Variants in ALDH18A1 observed in about 807,000 individuals in gnomAD.
ALDH18A1 encodes delta-1-pyrroline-5-carboxylate synthase.
ALDH18A1 carries 44 observed loss-of-function variants against 88.8 expected under a neutral mutation model. That is an observed-to-expected ratio of 0.50 (90% CI 0.39 to 0.64). ALDH18A1 has a LOEUF of 0.64. Ranked by LOEUF, ALDH18A1 falls within the 30% of genes least tolerant of loss-of-function variation. The pLI, the probability that ALDH18A1 is intolerant of heterozygous loss-of-function variation, is 0.00. For missense variants in ALDH18A1, 782 were observed against 1,009.5 expected (o/e 0.77, Z 3.05); for synonymous variants, 331 against 372.1 (o/e 0.89, Z 1.27).
chr10:95,619,689 A>G (rs1258264903), intron 12 of ALDH18A1, among the ~76,000 whole-genome samples: 3 of 152,238 alleles, frequency 2.0e-5, no homozygotes, highest in Admixed American at 6.5e-5. Context: ...AAATGGGGAA[A>G]GGATTCCCTA....
intron 6 of ALDH18A1, 101 bp downstream of exon 6, chr10:95,633,389 CT>C: frequency 6.9e-7 from 1 of 1,458,866 alleles, no homozygotes; most frequent in Non-Finnish European, 9.4e-7. Context: ...TCTCTCACAA[CT>C]TTTCCATCTT....
chr10:95,639,345 G>T (rs2062590460), intron 3 of ALDH18A1, among the ~76,000 whole-genome samples: 1 of 151,488 alleles, frequency 6.6e-6, no homozygotes, highest in Non-Finnish European at 1.5e-5. Context: ...TAAATAAAAA[G>T]AAAAAGAAAA....
At position 95,610,292 on chromosome 10, in the gene ALDH18A1, T is replaced by G. The variant is rs2139526433; in HGVS notation, c.2111A>C (p.Glu704Ala). 6.2e-7 allele frequency: 1 copy of G among 1,613,992 alleles called. No homozygotes were observed. Among genetic ancestry groups the G allele is most frequent in the East Asian group, 2.2e-5 (1 of 44,876 alleles). ...CTGCAGGAAGAACTCCGCTGTGTTT[T>G]CTGCAGGGTGAAGAAGGAGAAACCA... Reference protein sequence around the residue: ...SHTDVIVTEDENTAEFFLQHV... With the variant: ...SHTDVIVTEDANTAEFFLQHV... Residue 704 changes from glutamate to alanine, a missense_variant and splice_region_variant, in exon 17 of 18, where the codon GAA becomes GCA. By Grantham distance (107) the Glu-to-Ala change is moderately radical. Around this residue, in one of 3 missense-constraint regions of ALDH18A1, gnomAD observed 556 missense variants for 654.5 expected, o/e 0.85. Transcript: ENST00000371224.
At chr10:95,612,061 T>A (rs1565996170) in intron 15 of ALDH18A1, among the ~76,000 whole-genome samples, 1 of 152,184 alleles carries the variant, frequency 6.6e-6, no homozygotes, top group Non-Finnish European at 1.5e-5. Context: ...CTAAAATGAA[T>A]ACTTGACAAT....
chr10:95,645,826 C>G (rs2097900466), intron 2 of ALDH18A1, among the ~76,000 whole-genome samples: 1 of 152,018 alleles, frequency 6.6e-6, no homozygotes, highest in Non-Finnish European at 1.5e-5. Flanking sequence ...GTGGGAGTCC[C>G]TGGGACTAAA....
chr10:95,653,021 G>A (rs752053884), intron 2 of ALDH18A1, among the ~76,000 whole-genome samples: 4 of 151,648 alleles, frequency 2.6e-5, no homozygotes, highest in Admixed American at 2.0e-4. Context: ...ATCGCATCTC[G>A]ACAAAAAATA....
chr10:95,636,865 A>G (rs376164476), intron 5 of ALDH18A1, among the ~76,000 whole-genome samples: 5 of 152,368 alleles, frequency 3.3e-5, no homozygotes, highest in East Asian at 3.9e-4. Context: ...TGCTTTTCAT[A>G]TATTTTCTCA....
chr10:95,642,875 T>C (rs2097894423), intron 3 of ALDH18A1, 117 bp downstream of exon 3: 1 of 1,091,070 alleles, frequency 9.2e-7, no homozygotes, highest in Non-Finnish European at 1.4e-6. Flanking sequence ...TTGGGTTAAA[T>C]CTACTGCACT....
intron 3 of ALDH18A1, among the ~76,000 whole-genome samples, chr10:95,640,470 T>C (rs971760802): frequency 2.0e-5 from 3 of 152,096 alleles, no homozygotes; most frequent in African/African-American, 7.2e-5. Context: ...GCCTACCAAG[T>C]AGCTAGGATT....
rs539129964 is a variant in ALDH18A1 at position 95,641,942 on chromosome 10, G to A, written c.303+1050C>T. 5.9e-5 allele frequency among the ~76,000 whole-genome samples: 9 copies of A among 152,102 alleles called. No homozygotes were observed. In the East Asian group the frequency reaches 1.4e-3, roughly 23 times the overall value. ...CAGGCGCAAGTCACCACACCCAACC[G>A]ATTTTATTTTTGTAGAGACAGGGTC... On this transcript the variant is annotated intron_variant, in intron 3 of 17. Transcript: ENST00000371224.
Position 95,612,114 on chromosome 10 carries a change from G to A in ALDH18A1, c.1924-672C>T, listed in dbSNP as rs371512850. Among the ~76,000 whole-genome samples the A allele has an allele frequency of 3.9e-5, 6 of 152,308 alleles. No homozygotes were observed. The South Asian group carries it at 1.0e-3, about 26-fold the overall frequency. ...CATATGGTACCTAGGCACTAGACTC[G>A]TGTGGAAAAAGGGAGGTGCCACATA... On this transcript the variant is annotated intron_variant, in intron 15 of 17. Coordinates refer to ENST00000371224, the MANE Select transcript of ALDH18A1 (RefSeq NM_002860.4).
intron 3 of ALDH18A1, 137 bp downstream of exon 3, chr10:95,642,855 A>C: frequency 1.1e-6 from 1 of 943,752 alleles, no homozygotes; most frequent in Non-Finnish European, 1.6e-6. Flanking sequence ...AGTGGGAAAC[A>C]GTTTTCACAT....
chr10:95,617,044 C>T (rs1045329839), intron 12 of ALDH18A1, among the ~76,000 whole-genome samples: 4 of 152,102 alleles, frequency 2.6e-5, no homozygotes, highest in African/African-American at 9.7e-5. Context: ...GTCAGGAGTT[C>T]GATACCAGCC....
Position 95,613,877 on chromosome 10 carries a change from A to G in ALDH18A1, c.1802-14T>C. 1 of 1,614,236 alleles carries G rather than the reference A, an allele frequency of 6.2e-7. No individual in the cohort carries two copies. Among genetic ancestry groups the G allele is most frequent in the Non-Finnish European group, 8.5e-7 (1 of 1,180,032 alleles). ...TAGAGTCTCTGACTGAAAGAAGATGAGCAAAGAATTGTTTCCATTGACATG... is the reference window on the plus strand; with the variant it reads ...TAGAGTCTCTGACTGAAAGAAGATGGGCAAAGAATTGTTTCCATTGACATG... On this transcript the variant is annotated splice_polypyrimidine_tract_variant and intron_variant, in intron 14 of 17. Coordinates refer to ENST00000371224, the MANE Select transcript of ALDH18A1 (RefSeq NM_002860.4).
At chr10:95,633,401 G>T in intron 6 of ALDH18A1, 90 bp downstream of exon 6, 1 of 1,515,654 alleles carries the variant, frequency 6.6e-7, no homozygotes, top group Non-Finnish European at 9.0e-7. Context: ...TTTCCATCTT[G>T]TTTATGCCAA....
intron 5 of ALDH18A1, among the ~76,000 whole-genome samples, chr10:95,635,931 C>T (rs1387716672): frequency 1.3e-5 from 2 of 152,006 alleles, no homozygotes; most frequent in Non-Finnish European, 2.9e-5. Flanking sequence ...TGTCATTGGA[C>T]TGTGAAGAGA....
rs1286274641 is a variant in ALDH18A1 at position 95,637,570 on chromosome 10, T to C, written c.304-134A>G. On this transcript the variant is annotated intron_variant, in intron 3 of 17. Transcript: ENST00000371224. ...TTATGAACCAGCATGTGGCTGGCTC[T>C]GGAAGAATCAGCCAGATTGGTAAAA... The C allele has an allele frequency of 4.6e-6, 5 of 1,083,380 alleles. No individual in the cohort carries two copies. In the East Asian group the frequency reaches 1.3e-4, roughly 28 times the overall value. The allele number at this position is 1,083,380 out of a possible 1,614,324, so 67.1% of individuals were successfully genotyped here. A position where few individuals can be genotyped will look rare whatever the true frequency, so the allele number is the denominator to read the frequency against.
At chr10:95,646,163 G>C (rs899941821) in intron 2 of ALDH18A1, among the ~76,000 whole-genome samples, 1 of 152,150 alleles carries the variant, frequency 6.6e-6, no homozygotes, top group Non-Finnish European at 1.5e-5. Flanking sequence ...TTTCTCTCCT[G>C]TCTGCTGGAG....
intron 11 of ALDH18A1, among the ~76,000 whole-genome samples, chr10:95,624,444 T>C (rs945781282): frequency 6.6e-6 from 1 of 152,230 alleles, no homozygotes; most frequent in African/African-American, 2.4e-5. Flanking sequence ...AAATGAGATG[T>C]AAATTCTAGA....
Sources: allele counts gnomAD v4.1 joint callset (sites outside exome capture counted in the v4.1 genomes callset), GRCh38; gene constraint gnomAD v4.1.1; regional missense constraint gnomAD v4.1.1; transcripts MANE v1.5; gene names NCBI Gene and HGNC (gene_info 2026-07-23, HGNC 2026-07-21).